Variants in VSTM4 observed in about 807,000 individuals in gnomAD.
VSTM4 encodes V-set and transmembrane domain-containing protein 4.
Under a neutral mutation model 36.4 loss-of-function variants are expected in VSTM4, and 20 were observed. That is an observed-to-expected ratio of 0.55 (90% CI 0.39 to 0.80). The LOEUF is 0.80. VSTM4 is among the 30% of genes least tolerant of loss of function. The probability of loss-of-function intolerance (pLI) is 0.00; values close to 1 mark genes in which losing one functional copy is unlikely to be tolerated. For synonymous variants in VSTM4, 182 were observed against 173.9 expected, an observed-to-expected ratio of 1.05 and a Z score of -0.37; for missense variants, 392 against 404.5, an observed-to-expected ratio of 0.97 and a Z score of 0.26.
At chr10:49,029,754 A>G (rs1843316695) in intron 7 of VSTM4, among the ~76,000 whole-genome samples, 1 of 152,254 alleles carries the variant, frequency 6.6e-6, no homozygotes, top group African/African-American at 2.4e-5. Context: ...CTCAGTAGGC[A>G]GTATGAGCTC....
intron 7 of VSTM4, among the ~76,000 whole-genome samples, chr10:49,046,772 A>T (rs1843617240): frequency 6.6e-6 from 1 of 152,180 alleles, no homozygotes. Context: ...TATAATATAA[A>T]CTATTTGGAT....
rs566174987 is a variant in VSTM4 at position 49,076,002 on chromosome 10, C to T, written c.634+1217G>A. On this transcript the variant is annotated intron_variant, in intron 4 of 7. Coordinates refer to ENST00000332853, the MANE Select transcript of VSTM4 (RefSeq NM_001031746.5). ...ACACCTCTCCCAAAGCTGCAGCTAA[C>T]GCATGGTGCATTCCAGGAACCTCCC... Among the ~76,000 whole-genome samples, 7 of 152,274 alleles carry T rather than the reference C, an allele frequency of 4.6e-5. No homozygotes were observed. In the South Asian group the frequency reaches 6.2e-4, roughly 14 times the overall value.
At chr10:49,083,210 T>A (rs920917722) in intron 3 of VSTM4, among the ~76,000 whole-genome samples, 1 of 152,230 alleles carries the variant, frequency 6.6e-6, no homozygotes, top group Admixed American at 6.5e-5. Flanking sequence ...TATTTTTTAA[T>A]CCAGCCTGTA....
intron 2 of VSTM4, among the ~76,000 whole-genome samples, chr10:49,096,582 T>C (rs1844572727): frequency 6.6e-6 from 1 of 151,726 alleles, no homozygotes; most frequent in South Asian, 2.1e-4. Context: ...TGCTTCTGAA[T>C]CTGTGGGTTG....
chr10:49,060,551 C>A (rs1395041648), intron 5 of VSTM4, among the ~76,000 whole-genome samples: 3 of 152,176 alleles, frequency 2.0e-5, no homozygotes, highest in African/African-American at 7.2e-5. Context: ...ATTGTGTTAT[C>A]TGTCACCTCA....
At chr10:49,112,942 C>A (rs1844923896) in intron 1 of VSTM4, among the ~76,000 whole-genome samples, 1 of 152,204 alleles carries the variant, frequency 6.6e-6, no homozygotes. Flanking sequence ...ACAACCTACT[C>A]ATTGTGAAGT....
intron 2 of VSTM4, among the ~76,000 whole-genome samples, chr10:49,101,266 T>A (rs1400672460): frequency 2.0e-5 from 3 of 151,914 alleles, no homozygotes; most frequent in African/African-American, 7.3e-5. Context: ...ATGTGAAATA[T>A]CTATACGGTA....
intron 5 of VSTM4, among the ~76,000 whole-genome samples, chr10:49,056,829 G>C (rs917740229): frequency 1.3e-5 from 2 of 152,204 alleles, no homozygotes; most frequent in African/African-American, 4.8e-5. Context: ...TTGCTATAAA[G>C]GAATATCTGA....
At position 49,016,341 on chromosome 10, in the gene VSTM4, T is replaced by C. The variant is rs1239647101; in HGVS notation, c.*3309A>G. 3 of 152,240 alleles carry C rather than the reference T, an allele frequency of 2.0e-5. No individual in the cohort carries two copies. The highest frequency in any genetic ancestry group is 7.2e-5 in the African/African-American group (3 of 41,454). The allele number at this position is 152,240 out of a possible 1,614,324, so 9.4% of individuals were successfully genotyped here. A position where few individuals can be genotyped will look rare whatever the true frequency, so the allele number is the denominator to read the frequency against. On this transcript the variant is annotated 3_prime_UTR_variant, in exon 8 of 8. Transcript: ENST00000332853. ...ATTCTCCTCCCTGCTGCTTGCTCAGTGTCTGTTGCCTTCCAAGGCTTCTCC... is the reference window on the plus strand; with the variant it reads ...ATTCTCCTCCCTGCTGCTTGCTCAGCGTCTGTTGCCTTCCAAGGCTTCTCC...
chr10:49,043,647 A>G (rs1843555377), intron 7 of VSTM4, among the ~76,000 whole-genome samples: 1 of 152,256 alleles, frequency 6.6e-6, no homozygotes. Flanking sequence ...AACAAAAATT[A>G]AGTTCAAATA....
chr10:49,047,513 C>T (rs1843631129), intron 6 of VSTM4, among the ~76,000 whole-genome samples: 1 of 152,198 alleles, frequency 6.6e-6, no homozygotes, highest in Non-Finnish European at 1.5e-5. Flanking sequence ...AATCTTGAAC[C>T]ATTTAGGATT....
At chr10:49,113,335 A>T (rs1414273435) in intron 1 of VSTM4, among the ~76,000 whole-genome samples, 1 of 152,200 alleles carries the variant, frequency 6.6e-6, no homozygotes, top group East Asian at 1.9e-4. Context: ...CCATGGACTG[A>T]TTCACTCACA....
In VSTM4 at chr10:49,077,276, G is replaced by C. The variant is rs746608207; in HGVS notation, c.577C>G (p.Leu193Val). ...CAGACGATGACCAGCATGAAGAGCAGAATGCTGAGGATCCCCACGCAGCAC... is the reference window on the plus strand; with the variant it reads ...CAGACGATGACCAGCATGAAGAGCACAATGCTGAGGATCCCCACGCAGCAC... Reference protein sequence around the residue: ...LVCCVGILSILLFMLVIVWQS... With the variant: ...LVCCVGILSIVLFMLVIVWQS... Residue 193 changes from leucine (L) to valine (V), a missense_variant, in exon 4 of 8, where the codon CTG becomes GTG. Leu to Val is a conservative substitution (Grantham distance 32). Coordinates refer to ENST00000332853, the MANE Select transcript of VSTM4 (RefSeq NM_001031746.5). 1.9e-6 allele frequency: 3 copies of C among 1,614,234 alleles called. 1 individual carries two copies. The highest frequency in any genetic ancestry group is 2.2e-5 in the South Asian group (2 of 91,084).
At chr10:49,051,702 C>A (rs1210552353) in intron 5 of VSTM4, among the ~76,000 whole-genome samples, 1 of 152,170 alleles carries the variant, frequency 6.6e-6, no homozygotes, top group Non-Finnish European at 1.5e-5. Flanking sequence ...AGCCTGATAG[C>A]TCATTTCTTT....
chr10:49,098,244 GC>G (rs1348619340), intron 2 of VSTM4, among the ~76,000 whole-genome samples: 1 of 152,164 alleles, frequency 6.6e-6, no homozygotes, highest in Non-Finnish European at 1.5e-5. Context: ...CAGCCTTGGG[GC>G]TGGGCAGGGC....
chr10:49,063,641 G>A (rs2131977100), intron 5 of VSTM4, among the ~76,000 whole-genome samples: 1 of 152,242 alleles, frequency 6.6e-6, no homozygotes, highest in South Asian at 2.1e-4. Context: ...GGTTTATATG[G>A]TGCCACTGGG....
intron 4 of VSTM4, among the ~76,000 whole-genome samples, chr10:49,072,883 A>G (rs59869834): frequency 0.37 from 56,310 of 151,806 alleles, 11,556 homozygotes; most frequent in African/African-American, 0.55. Flanking sequence ...ACCCAGTTGC[A>G]CCCAGCCCAG....
rs564088548 is a variant in VSTM4 at position 49,074,296 on chromosome 10, C to A, written c.634+2923G>T. Among the ~76,000 whole-genome samples the A allele has an allele frequency of 2.0e-5, 3 of 152,290 alleles. No individual in the cohort carries two copies. In the East Asian group the frequency reaches 5.8e-4, roughly 29 times the overall value. ...CATAGTATAGCTCATCTATGAATTT[C>A]ATTTTAAAATAGTAGAGATCATTCC... On this transcript the variant is annotated intron_variant, in intron 4 of 7. Coordinates refer to ENST00000332853, the MANE Select transcript of VSTM4 (RefSeq NM_001031746.5).
intron 5 of VSTM4, among the ~76,000 whole-genome samples, chr10:49,052,525 T>A (rs1843714231): frequency 7.3e-6 from 1 of 137,880 alleles, no homozygotes; most frequent in Non-Finnish European, 1.6e-5. Context: ...TGCAAGCAAC[T>A]TTTACACCAT....
Sources: allele counts gnomAD v4.1 joint callset (sites outside exome capture counted in the v4.1 genomes callset), GRCh38; gene constraint gnomAD v4.1.1; transcripts MANE v1.5; gene names NCBI Gene and HGNC (gene_info 2026-07-23, HGNC 2026-07-21).